KCNMB4: variants seen among roughly 807,000 people sequenced by gnomAD.
The protein encoded by KCNMB4 is calcium-activated potassium channel subunit beta-4.
A neutral mutation model predicts 20.7 loss-of-function variants in KCNMB4; 3 were observed. The ratio of observed to expected loss-of-function variants is 0.14; its 90% CI spans 0.07 to 0.37. The LOEUF (loss-of-function observed/expected upper bound fraction) is 0.37, where lower values mean the gene tolerates loss of function less well. KCNMB4 is among the 10% of genes least tolerant of loss of function. The pLI is 1.00. For synonymous variants in KCNMB4, 110 were observed against 113.4 expected, an observed-to-expected ratio of 0.97 and a Z score of 0.19; for missense variants, 168 against 265.9, an observed-to-expected ratio of 0.63 and a Z score of 2.56.
chr12:70,421,485 A>C lies in KCNMB4; in HGVS notation c.465-9000A>C, dbSNP rs564936884. 2.0e-5 allele frequency among the ~76,000 whole-genome samples: 3 copies of C among 151,564 alleles called. No individual in the cohort carries two copies. In the East Asian group the frequency reaches 5.8e-4, roughly 29 times the overall value. On this transcript the variant is annotated intron_variant, in intron 2 of 2. Coordinates refer to ENST00000258111, the MANE Select transcript of KCNMB4 (RefSeq NM_014505.6). ...TCTCAAAAAAGAAAAAAAAAAAAAA[A>C]AAAAAAAACTTTTCCCATACATACC... is the stretch of plus-strand genomic sequence containing the variant.
At chr12:70,407,224 C>G (rs1868629698) in intron 2 of KCNMB4, among the ~76,000 whole-genome samples, 1 of 152,094 alleles carries the variant, frequency 6.6e-6, no homozygotes, top group African/African-American at 2.4e-5. Context: ...TTATAAAGGA[C>G]ACAACTCAGG....
At chr12:70,376,288 G>T (rs1003699641) in intron 1 of KCNMB4, among the ~76,000 whole-genome samples, 1 of 151,840 alleles carries the variant, frequency 6.6e-6, no homozygotes, top group Non-Finnish European at 1.5e-5. Context: ...TCAAGAAGAA[G>T]ACGAGGATGT....
At chr12:70,429,614 C>T (rs1302727536) in intron 2 of KCNMB4, among the ~76,000 whole-genome samples, 3 of 148,926 alleles carry the variant, frequency 2.0e-5, no homozygotes, top group Non-Finnish European at 4.4e-5. Context: ...TTGCAGTGAG[C>T]CAAGATGGCA....
intron 1 of KCNMB4, among the ~76,000 whole-genome samples, chr12:70,370,771 CAA>C (rs57014123): frequency 3.5e-5 from 5 of 141,552 alleles, no homozygotes; most frequent in Non-Finnish European, 3.1e-5. Flanking sequence ...ATTGGATGGC[CAA>C]AAAAAAAAAA....
At chr12:70,422,718 T>C in intron 2 of KCNMB4, 1 of 1,289,176 alleles carries the variant, frequency 7.8e-7, no homozygotes, top group African/African-American at 1.5e-5. Flanking sequence ...TCTTGATGAT[T>C]ACCCCTCTTT....
rs191782313 is a variant in KCNMB4 at position 70,419,814 on chromosome 12, G to A, written c.465-10671G>A. The stretch of plus-strand genomic sequence containing the variant: ...TAAAAAGTAAGGAGGCACTTAGGGA[G>A]GATGGATATTAAAATTGCAAAGTGT... On this transcript the variant is annotated intron_variant, in intron 2 of 2. Transcript: ENST00000258111. Among the ~76,000 whole-genome samples the A allele has an allele frequency of 7.2e-5, 11 of 152,250 alleles. No homozygotes were observed. In the East Asian group the frequency reaches 1.9e-3, roughly 27 times the overall value.
At chr12:70,377,479 G>C (rs996557454) in intron 1 of KCNMB4, among the ~76,000 whole-genome samples, 3 of 152,132 alleles carry the variant, frequency 2.0e-5, no homozygotes, top group Non-Finnish European at 4.4e-5. Context: ...TGAGCATTTA[G>C]AAAGTCATAA....
chr12:70,405,688 A>T (rs1261917079), intron 2 of KCNMB4, among the ~76,000 whole-genome samples: 3 of 152,160 alleles, frequency 2.0e-5, no homozygotes, highest in Non-Finnish European at 4.4e-5. Flanking sequence ...GATCCTGAAG[A>T]GCACTCCTCC....
chr12:70,372,774 C>T (rs1310297178), intron 1 of KCNMB4, among the ~76,000 whole-genome samples: 1 of 152,076 alleles, frequency 6.6e-6, no homozygotes, highest in African/African-American at 2.4e-5. Context: ...AAATAACTGT[C>T]AAACAAGGCA....
chr12:70,367,911 G>A (rs1196950802), intron 1 of KCNMB4, among the ~76,000 whole-genome samples: 5 of 151,898 alleles, frequency 3.3e-5, no homozygotes, highest in African/African-American at 1.2e-4. Flanking sequence ...GGACTCCCGG[G>A]ATGGAGAGCA....
Position 70,400,304 on chromosome 12 carries a change from G to T in KCNMB4, c.432G>T (p.Gln144His). The change falls in exon 2 of 3, where the codon CAG becomes CAT. Residue 144 changes from glutamine to histidine, a missense_variant. Gln to His is a conservative substitution (Grantham distance 24). Coordinates refer to ENST00000258111, the MANE Select transcript of KCNMB4 (RefSeq NM_014505.6). ...ACTGGAAAGATGAGATTGGTTCCCA[G>T]CCATTTACTTGCTATTTTAATCAAC... ...QQYWKDEIGS[Q>H]PFTCYFNQHQ... The T allele has an allele frequency of 6.2e-7, 1 of 1,605,994 alleles. No individual in the cohort carries two copies. Among genetic ancestry groups the T allele is most frequent in the East Asian group, 2.2e-5 (1 of 44,756 alleles).
intron 2 of KCNMB4, among the ~76,000 whole-genome samples, chr12:70,423,476 C>CTT (rs552748241): frequency 4.0e-5 from 6 of 148,902 alleles, no homozygotes; most frequent in African/African-American, 9.8e-5. Context: ...TCTTTTTCAT[C>CTT]TTTTTTTTTT....
intron 1 of KCNMB4, among the ~76,000 whole-genome samples, chr12:70,383,659 T>G (rs1389186667): frequency 6.6e-6 from 1 of 152,268 alleles, no homozygotes; most frequent in African/African-American, 2.4e-5. Flanking sequence ...GGTTGTTTCC[T>G]GCAATCCTTG....
intron 1 of KCNMB4, among the ~76,000 whole-genome samples, chr12:70,373,600 A>G (rs773188483): frequency 2.6e-5 from 4 of 152,252 alleles, no homozygotes; most frequent in Non-Finnish European, 5.9e-5. Flanking sequence ...AATTTGTGCC[A>G]TTTTAAGCCA....
At chr12:70,422,629 G>A in intron 2 of KCNMB4, 1 of 1,132,752 alleles carries the variant, frequency 8.8e-7, no homozygotes, top group Non-Finnish European at 1.2e-6. Context: ...GTGCCAAGCT[G>A]ACTTTAGAAT....
chr12:70,390,757 G>A (rs545326221), intron 1 of KCNMB4, among the ~76,000 whole-genome samples: 1 of 152,288 alleles, frequency 6.6e-6, no homozygotes, highest in East Asian at 1.9e-4. Context: ...TTCAGGATCT[G>A]TAGGAACAAT....
intron 1 of KCNMB4, among the ~76,000 whole-genome samples, chr12:70,374,520 G>A (rs537515452): frequency 3.9e-5 from 6 of 152,234 alleles, no homozygotes; most frequent in African/African-American, 1.2e-4. Flanking sequence ...ATAAATTAAT[G>A]TGTAAAAAAT....
chr12:70,421,470 G>GAAAAAAAAAAAAAAAAAAAAAA (rs61303899), intron 2 of KCNMB4, among the ~76,000 whole-genome samples: 1 of 75,672 alleles, frequency 1.3e-5, no homozygotes. Context: ...TCTCAAAAAA[G>GAAAAAAAAAAAAAAAAAAAAAA]AAAAAAAAAA....
intron 1 of KCNMB4, among the ~76,000 whole-genome samples, chr12:70,382,209 G>C (rs1432932033): frequency 6.6e-6 from 1 of 151,894 alleles, no homozygotes; most frequent in Non-Finnish European, 1.5e-5. Context: ...ACTTTGGGAG[G>C]CCGAGGCGGG....
Sources: allele counts gnomAD v4.1 joint callset (sites outside exome capture counted in the v4.1 genomes callset), GRCh38; gene constraint gnomAD v4.1.1; transcripts MANE v1.5; gene names NCBI Gene and HGNC (gene_info 2026-07-23, HGNC 2026-07-21).